The following TYW2 variants were observed in gnomAD, a reference collection of about 807,000 sequenced individuals.
TYW2 encodes the protein tRNA wybutosine-synthesizing protein 2 homolog.
chr8:124,452,015 C>T, the TYW2 span: 2 of 1,614,046 alleles, frequency 1.2e-6, no homozygotes, highest in Non-Finnish European at 8.5e-7. Context: ...TGGCTGTATC[C>T]TCAGCAAATT....
the TYW2 span, chr8:124,451,326 A>G: frequency 1.2e-6 from 2 of 1,614,198 alleles, no homozygotes; most frequent in Non-Finnish European, 8.5e-7. Context: ...TGCCCCGATC[A>G]TGGCAACGGC....
At chr8:124,451,991 T>C in the TYW2 span, 3 of 1,614,082 alleles carry the variant, frequency 1.9e-6, no homozygotes, top group Non-Finnish European at 2.5e-6. Flanking sequence ...GTCAGCAAAG[T>C]AGAGAAAGAG....
the TYW2 span, chr8:124,452,962 T>A: frequency 0.16 from 26,588 of 167,000 alleles, 4,045 homozygotes; most frequent in African/African-American, 0.4. Flanking sequence ...TTCCATTCCC[T>A]TACTGTGGCA....
chr8:124,451,697 G>A, the TYW2 span: 2 of 1,614,168 alleles, frequency 1.2e-6, no homozygotes, highest in East Asian at 2.2e-5. Flanking sequence ...GTTCATGCTG[G>A]TGCTGCCTTC....
chr8:124,452,498 A>C, the TYW2 span: 1 of 535,278 alleles, frequency 1.9e-6, no homozygotes, highest in Non-Finnish European at 3.4e-6. Context: ...CATTGAAATG[A>C]GGCTCATCTG....
chr8:124,451,836 A>G, the TYW2 span: 1 of 1,614,186 alleles, frequency 6.2e-7, no homozygotes, highest in Admixed American at 1.7e-5. Context: ...CAAATATTGC[A>G]GATAGGGTGA....
the TYW2 span, chr8:124,452,120 C>G: frequency 6.2e-7 from 1 of 1,614,254 alleles, no homozygotes; most frequent in Non-Finnish European, 8.5e-7. Flanking sequence ...TGGGCAGAAT[C>G]TGCAGAAACT....
the TYW2 span, chr8:124,452,272 T>C: frequency 6.2e-7 from 1 of 1,612,322 alleles, no homozygotes; most frequent in Non-Finnish European, 8.5e-7. Flanking sequence ...TTCAGTTGGC[T>C]AGAGGAGGTA....
chr8:124,451,142 A>G, the TYW2 span: 1 of 1,614,198 alleles, frequency 6.2e-7, no homozygotes, highest in Non-Finnish European at 8.5e-7. Flanking sequence ...CAGCACCTGC[A>G]GGAGCTGAGG....
the TYW2 span, chr8:124,452,499 G>A: frequency 4.1e-5 from 22 of 531,298 alleles, no homozygotes; most frequent in Non-Finnish European, 7.1e-5. Flanking sequence ...ATTGAAATGA[G>A]GCTCATCTGT....
chr8:124,453,022 AG>A, the TYW2 span: 27,204 of 165,154 alleles, frequency 0.16, 2,570 homozygotes, highest in Admixed American at 0.25. Context: ...TTGTTGTGGT[AG>A]AAATATGGTT....
the TYW2 span, chr8:124,451,990 G>C: frequency 6.2e-7 from 1 of 1,614,176 alleles, no homozygotes; most frequent in Non-Finnish European, 8.5e-7. Context: ...AGTCAGCAAA[G>C]TAGAGAAAGA....
At chr8:124,450,889 G>A in the TYW2 span, 1 of 1,574,738 alleles carries the variant, frequency 6.4e-7, no homozygotes, top group Non-Finnish European at 8.6e-7. Flanking sequence ...TAGTCAGCCT[G>A]GTGAGCCGAC....
At chr8:124,451,067 A>G in the TYW2 span, 12 of 1,613,950 alleles carry the variant, frequency 7.4e-6, no homozygotes, top group African/African-American at 1.6e-4. Context: ...GATACACAGC[A>G]CCGTGTGGAA....
At chr8:124,451,629 TGGA>T in the TYW2 span, 1 of 1,614,080 alleles carries the variant, frequency 6.2e-7, no homozygotes, top group South Asian at 1.1e-5. Context: ...TGTCCTGTGC[TGGA>T]GAAGTGCTGG....
chr8:124,452,362 C>G, the TYW2 span: 1 of 1,366,530 alleles, frequency 7.3e-7, no homozygotes. Flanking sequence ...CCTTTTGTCC[C>G]CTGGTGATCA....
chr8:124,451,981 G>A, the TYW2 span: 3 of 1,614,194 alleles, frequency 1.9e-6, no homozygotes, highest in South Asian at 2.2e-5. Context: ...GGCTCTTGGA[G>A]TCAGCAAAGT....
chr8:124,453,014 G>A, the TYW2 span: 1 of 159,956 alleles, frequency 6.3e-6, no homozygotes. Flanking sequence ...AATTTGGTTT[G>A]TTGTGGTAGA....
chr8:124,451,417 G>A, the TYW2 span: 5 of 1,614,152 alleles, frequency 3.1e-6, no homozygotes, highest in South Asian at 1.1e-5. Context: ...CTGGGAGACC[G>A]TTGCCTTGGC....
Sources: allele counts gnomAD v4.1 joint callset, GRCh38; gene constraint gnomAD v4.1.1; transcripts MANE v1.5; gene names NCBI Gene and HGNC (gene_info 2026-07-23, HGNC 2026-07-21).